Variants in KCNH5 observed in about 807,000 individuals in gnomAD.
KCNH5 encodes potassium voltage-gated channel subfamily H member 5, also known as voltage-gated delayed rectifier potassium channel KCNH5.
KCNH5 carries 46 observed loss-of-function variants against 96.1 expected under a neutral mutation model. The observed-to-expected ratio is 0.48, with a 90% CI of 0.38 to 0.61. The LOEUF (loss-of-function observed/expected upper bound fraction) is 0.61. KCNH5 is among the 20% of genes least tolerant of loss of function. The pLI, the probability that KCNH5 is intolerant of heterozygous loss-of-function variation, is 0.00. For synonymous variants in KCNH5, 439 were observed against 449.8 expected, an observed-to-expected ratio of 0.98 and a Z score of 0.30; for missense variants, 907 against 1,225.8, an observed-to-expected ratio of 0.74 and a Z score of 3.88.
intron 10 of KCNH5, among the ~76,000 whole-genome samples, chr14:62,750,429 T>C (rs1381937523): frequency 6.6e-6 from 1 of 152,188 alleles, no homozygotes; most frequent in Non-Finnish European, 1.5e-5. Context: ...CCCATTCTTG[T>C]TCCTCTTCAG....
chr14:63,032,104 A>C (rs1891640206), intron 1 of KCNH5, among the ~76,000 whole-genome samples: 2 of 150,090 alleles, frequency 1.3e-5, no homozygotes, highest in African/African-American at 2.5e-5. Flanking sequence ...GACTTCACAA[A>C]AAAAAAAAAA....
intron 7 of KCNH5, among the ~76,000 whole-genome samples, chr14:62,874,296 A>G (rs1888323789): frequency 6.6e-6 from 1 of 152,206 alleles, no homozygotes; most frequent in South Asian, 2.1e-4. Flanking sequence ...AAACCTCATC[A>G]AAAAGTAGGC....
chr14:62,734,178 A>G (rs986704261), intron 10 of KCNH5, among the ~76,000 whole-genome samples: 10 of 151,948 alleles, frequency 6.6e-5, no homozygotes, highest in African/African-American at 2.4e-4. Context: ...ACCCCCCAAC[A>G]TATCTGCTTC....
At position 62,731,883 on chromosome 14, in the gene KCNH5, A is replaced by G. The variant is rs138149364; in HGVS notation, c.2020-23428T>C. ...ACTCTGATGCTAAATTATCCCTTCA[A>G]CTGGCCTTCTTGAGTTACACATTCA... On this transcript the variant is annotated intron_variant, in intron 10 of 10. Transcript: ENST00000322893. 6.2e-3 allele frequency among the ~76,000 whole-genome samples: 947 copies of G among 152,292 alleles called. 7 individuals are homozygous for G. Among genetic ancestry groups the G allele is most frequent in the African/African-American group, 0.022 (899 of 41,560 alleles).
chr14:62,718,168 T>C (rs1481368476), intron 10 of KCNH5, among the ~76,000 whole-genome samples: 1 of 152,024 alleles, frequency 6.6e-6, no homozygotes, highest in Non-Finnish European at 1.5e-5. Context: ...ATTGTGTGGT[T>C]TTTCACTACC....
At chr14:63,006,937 A>T (rs1891139131) in intron 2 of KCNH5, among the ~76,000 whole-genome samples, 1 of 152,240 alleles carries the variant, frequency 6.6e-6, no homozygotes, top group South Asian at 2.1e-4. Flanking sequence ...CTCAGTGATA[A>T]ACCCATATGA....
Position 62,875,376 on chromosome 14 carries a change from A to G in KCNH5, c.1370-25524T>C, listed in dbSNP as rs1888350065. On this transcript the variant is annotated intron_variant, in intron 7 of 10. Transcript: ENST00000322893. ...CATATGGAACCAAAAAAGAGCCCGC[A>G]TCGCCAAGTCAATCCTAAGCCAAAA... Among the ~76,000 whole-genome samples, 12 of 152,142 alleles carry G rather than the reference A, an allele frequency of 7.9e-5. No homozygotes were observed. The South Asian group carries it at 2.1e-3, about 26-fold the overall frequency.
chr14:62,768,483 GAAAC>G (rs1056056604), intron 10 of KCNH5, among the ~76,000 whole-genome samples: 9 of 152,088 alleles, frequency 5.9e-5, no homozygotes, highest in Non-Finnish European at 1.2e-4. Context: ...AGACATTTTA[GAAAC>G]AAACAGTCTA....
intron 9 of KCNH5, among the ~76,000 whole-genome samples, chr14:62,795,118 C>T (rs1047754770): frequency 3.3e-5 from 5 of 152,044 alleles, no homozygotes; most frequent in African/African-American, 9.7e-5. Context: ...GTTTCTTCTG[C>T]CTATAACAGA....
At position 62,700,108 on chromosome 14, in the gene KCNH5, T is replaced by A. The variant is rs762851896; in HGVS notation, c.*7400A>T. 1 of 152,196 alleles carries A rather than the reference T, an allele frequency of 6.6e-6. No individual in the cohort carries two copies. The highest frequency in any genetic ancestry group is 2.4e-5 in the African/African-American group (1 of 41,460). The allele number at this position is 152,196 out of a possible 1,614,324, so 9.4% of individuals were successfully genotyped here. A position where few individuals can be genotyped will look rare whatever the true frequency, so the allele number is the denominator to read the frequency against. On this transcript the variant is annotated 3_prime_UTR_variant, in exon 11 of 11. Coordinates refer to ENST00000322893, the MANE Select transcript of KCNH5 (RefSeq NM_139318.5). ...CATTAGTGTTATAGTAGAATTTACA[T>A]TGTAGTATACAAAATGCCACAACTA...
intron 7 of KCNH5, among the ~76,000 whole-genome samples, chr14:62,911,620 A>C (rs1445491717): frequency 3.3e-5 from 5 of 152,202 alleles, no homozygotes; most frequent in Non-Finnish European, 7.3e-5. Flanking sequence ...TGATCAATAA[A>C]ACAGAATACA....
At chr14:62,994,512 C>T (rs2139583398) in intron 4 of KCNH5, among the ~76,000 whole-genome samples, 2 of 152,066 alleles carry the variant, frequency 1.3e-5, no homozygotes, top group South Asian at 2.1e-4. Context: ...GACTGATTAC[C>T]TGAACAACAC....
At chr14:62,981,445 A>T (rs746508287) in intron 5 of KCNH5, among the ~76,000 whole-genome samples, 181 bp from the exon 6 acceptor site, 1 of 152,150 alleles carries the variant, frequency 6.6e-6, no homozygotes, top group Non-Finnish European at 1.5e-5. Flanking sequence ...CACTCTACCA[A>T]AGCTGATCTT....
chr14:62,721,021 C>T (rs1181843071), intron 10 of KCNH5, among the ~76,000 whole-genome samples: 1 of 152,212 alleles, frequency 6.6e-6, no homozygotes, highest in Non-Finnish European at 1.5e-5. Context: ...TGAAATCTAC[C>T]AGGCAGGCAT....
At chr14:62,812,736 TA>T (rs1388562075) in intron 8 of KCNH5, among the ~76,000 whole-genome samples, 1 of 152,092 alleles carries the variant, frequency 6.6e-6, no homozygotes, top group Non-Finnish European at 1.5e-5. Flanking sequence ...TAATATTTAT[TA>T]TATAAAATAT....
chr14:62,984,011 G>A (rs1712020931), intron 5 of KCNH5, among the ~76,000 whole-genome samples: 1 of 152,086 alleles, frequency 6.6e-6, no homozygotes, highest in African/African-American at 2.4e-5. Flanking sequence ...AAAAAACAGT[G>A]CACAAAAAAT....
intron 8 of KCNH5, among the ~76,000 whole-genome samples, chr14:62,813,712 G>A (rs1212621675): frequency 1.3e-5 from 2 of 152,236 alleles, no homozygotes; most frequent in African/African-American, 2.4e-5. Flanking sequence ...GAATCTAATG[G>A]AGCTGGTATT....
intron 4 of KCNH5, among the ~76,000 whole-genome samples, chr14:62,995,800 T>TTTCAAAAGA (rs1301822686): frequency 3.3e-5 from 5 of 152,128 alleles, no homozygotes; most frequent in Non-Finnish European, 7.4e-5. Flanking sequence ...GCTTCCACTA[T>TTTCAAAAGA]ATATTTACTA....
intron 9 of KCNH5, among the ~76,000 whole-genome samples, chr14:62,786,261 C>T (rs1184254548): frequency 1.3e-5 from 2 of 152,014 alleles, no homozygotes; most frequent in East Asian, 3.9e-4. Flanking sequence ...AACTAATATC[C>T]AACAGGTTCC....
Sources: gnomAD v4.1 joint callset for allele counts (sites outside exome capture counted in the v4.1 genomes callset) on GRCh38, gnomAD v4.1.1 for gene constraint, MANE v1.5 for transcripts, NCBI Gene and HGNC (gene_info 2026-07-23, HGNC 2026-07-21) for gene names.